KIAA1217: variants seen among roughly 807,000 people sequenced by gnomAD.
The protein encoded by KIAA1217 is KIAA1217, also known as sickle tail protein homolog.
In KIAA1217, 88 loss-of-function variants were observed where a neutral mutation model predicts 163.9. The ratio of observed to expected loss-of-function variants is 0.54; its 90% confidence interval spans 0.45 to 0.64. The LOEUF (loss-of-function observed/expected upper bound fraction) is 0.64. KIAA1217 is among the 30% of genes least tolerant of loss of function. The probability of loss-of-function intolerance (pLI) is 0.00; values close to 1 mark genes in which losing one functional copy is unlikely to be tolerated. For missense variants in KIAA1217, 2,372 were observed against 2,475.0 expected (o/e 0.96, Z 0.88); for synonymous variants, 903 against 923.1 (o/e 0.98, Z 0.39).
intron 1 of KIAA1217, among the ~76,000 whole-genome samples, chr10:23,777,249 T>C (rs1340941034): frequency 1.3e-5 from 2 of 152,238 alleles, no homozygotes; most frequent in African/African-American, 2.4e-5. Context: ...TACAGCGTTT[T>C]CTATACAAGC....
intron 1 of KIAA1217, among the ~76,000 whole-genome samples, chr10:23,926,747 A>AAATAAATAAAT (rs1489185783): frequency 1.1e-4 from 16 of 151,376 alleles, no homozygotes; most frequent in African/African-American, 3.7e-4. Context: ...ATAAATAAAT[A>AAATAAATAAAT]AATAAATAAA....
intron 2 of KIAA1217, among the ~76,000 whole-genome samples, chr10:24,055,950 C>T (rs2060514842): frequency 6.7e-6 from 1 of 148,288 alleles, no homozygotes; most frequent in Non-Finnish European, 1.5e-5. Context: ...GCTAAAAACA[C>T]TAAATTTAAA....
At chr10:23,997,852 G>C (rs1846558926) in intron 1 of KIAA1217, among the ~76,000 whole-genome samples, 1 of 152,140 alleles carries the variant, frequency 6.6e-6, no homozygotes, top group African/African-American at 2.4e-5. Context: ...AGTTATATGG[G>C]AGGTGTAGGG....
intron 1 of KIAA1217, among the ~76,000 whole-genome samples, chr10:23,897,253 C>T (rs1170156434): frequency 6.6e-6 from 1 of 152,026 alleles, no homozygotes; most frequent in African/African-American, 2.4e-5. Context: ...TCCTCATCAA[C>T]TTCCTTCATT....
chr10:24,110,968 C>T (rs1215392883), intron 2 of KIAA1217, among the ~76,000 whole-genome samples: 1 of 152,094 alleles, frequency 6.6e-6, no homozygotes, highest in Non-Finnish European at 1.5e-5. Flanking sequence ...ATTCTTATAA[C>T]TTAAATATTC....
At chr10:24,263,241 C>T (rs915060307) in intron 2 of KIAA1217, among the ~76,000 whole-genome samples, 4 of 152,202 alleles carry the variant, frequency 2.6e-5, no homozygotes, top group Admixed American at 6.5e-5. Flanking sequence ...GTTGTACTTC[C>T]TTAATAATGA....
chr10:24,093,750 T>C (rs2062032303), intron 2 of KIAA1217, among the ~76,000 whole-genome samples: 2 of 150,294 alleles, frequency 1.3e-5, no homozygotes, highest in Non-Finnish European at 3.0e-5. Context: ...GCTGCACCCA[T>C]TAACTCGTCA....
At position 24,520,809 on chromosome 10, in the gene KIAA1217, G is replaced by T. The variant is rs2071116681; in HGVS notation, c.2308+556G>T. Among the ~76,000 whole-genome samples, 5 of 148,764 alleles carry T rather than the reference G, an allele frequency of 3.4e-5. No individual in the cohort carries two copies. The South Asian group carries it at 1.1e-3, about 31-fold the overall frequency. ...TATGGTGAGCCACCATTGCACCACT[G>T]CACTCCAGCCTGGCAGCCTGGGTGG... On this transcript the variant is annotated intron_variant, in intron 11 of 20. Coordinates refer to ENST00000376454, the MANE Select transcript of KIAA1217 (RefSeq NM_019590.5).
At chr10:24,387,582 G>C (rs1393277719) in intron 3 of KIAA1217, among the ~76,000 whole-genome samples, 10 of 152,166 alleles carry the variant, frequency 6.6e-5, no homozygotes, top group Admixed American at 3.9e-4. Flanking sequence ...AGAAATAAAG[G>C]GTATTCAATT....
intron 14 of KIAA1217, among the ~76,000 whole-genome samples, chr10:24,531,235 T>TA (rs1401066420): frequency 6.6e-6 from 1 of 152,088 alleles, no homozygotes; most frequent in Non-Finnish European, 1.5e-5. Flanking sequence ...TTTGTTTAAT[T>TA]AAAAAAATCA....
chr10:23,727,880 G>A (rs906136349), intron 1 of KIAA1217, among the ~76,000 whole-genome samples: 1 of 152,142 alleles, frequency 6.6e-6, no homozygotes, highest in Admixed American at 6.5e-5. Context: ...TCTCACTTAT[G>A]AGTGAGAACA....
chr10:23,705,489 G>A (rs959911840), intron 1 of KIAA1217, among the ~76,000 whole-genome samples: 4 of 152,258 alleles, frequency 2.6e-5, no homozygotes, highest in Middle Eastern at 3.4e-3. Context: ...AATTGTCCCA[G>A]CAACATTTGT....
intron 2 of KIAA1217, among the ~76,000 whole-genome samples, chr10:24,301,278 C>T (rs1481141112): frequency 1.3e-5 from 2 of 151,986 alleles, no homozygotes; most frequent in South Asian, 2.1e-4. Context: ...TTTCATTATG[C>T]CATAAATACT....
chr10:24,053,109 C>A (rs1179518040), intron 2 of KIAA1217, among the ~76,000 whole-genome samples: 1 of 152,098 alleles, frequency 6.6e-6, no homozygotes, highest in Non-Finnish European at 1.5e-5. Context: ...TGTTTTGTAA[C>A]AGGAGAAAAT....
intron 1 of KIAA1217, among the ~76,000 whole-genome samples, chr10:23,808,347 C>T (rs1209682306): frequency 6.6e-6 from 1 of 151,968 alleles, no homozygotes; most frequent in Non-Finnish European, 1.5e-5. Context: ...AATGTAGGTT[C>T]CAAAAATTAG....
At chr10:23,742,983 G>C (rs1181944748) in intron 1 of KIAA1217, among the ~76,000 whole-genome samples, 1 of 152,198 alleles carries the variant, frequency 6.6e-6, no homozygotes, top group Non-Finnish European at 1.5e-5. Flanking sequence ...GAATGTGCAG[G>C]CTGCCCAAAC....
intron 2 of KIAA1217, among the ~76,000 whole-genome samples, chr10:24,106,154 G>T (rs1381299541): frequency 6.6e-6 from 1 of 152,136 alleles, no homozygotes; most frequent in Non-Finnish European, 1.5e-5. Context: ...CACAAGGGTG[G>T]CAGGGGCAGT....
chr10:24,542,054 C>T (rs190006326), intron 17 of KIAA1217, among the ~76,000 whole-genome samples: 2 of 152,334 alleles, frequency 1.3e-5, no homozygotes, highest in East Asian at 3.9e-4. Flanking sequence ...GCAGTACAAA[C>T]TGCATTTCAA....
chr10:23,762,769 G>A (rs1366392565), intron 1 of KIAA1217, among the ~76,000 whole-genome samples: 1 of 151,772 alleles, frequency 6.6e-6, no homozygotes, highest in Non-Finnish European at 1.5e-5. Context: ...TCTGGCCAGG[G>A]CAATCAGGCA....
Sources: allele counts gnomAD v4.1 joint callset (sites outside exome capture counted in the v4.1 genomes callset), GRCh38; gene constraint gnomAD v4.1.1; transcripts MANE v1.5; gene names NCBI Gene and HGNC (gene_info 2026-07-23, HGNC 2026-07-21).